JAZF1: variants seen among roughly 807,000 people sequenced by gnomAD.
The protein encoded by JAZF1 is JAZF zinc finger 1.
JAZF1 carries 8 observed loss-of-function variants against 26.4 expected under a neutral mutation model. The ratio of observed to expected loss-of-function variants is 0.30; its 90% CI spans 0.18 to 0.55. The LOEUF (loss-of-function observed/expected upper bound fraction) is 0.55. Among genes scored for constraint, JAZF1 ranks in the 20% least tolerant of loss-of-function variants. JAZF1 has a pLI of 0.94. For synonymous variants in JAZF1, 126 were observed against 122.3 expected, an observed-to-expected ratio of 1.03 and a Z score of -0.20; for missense variants, 199 against 322.0, an observed-to-expected ratio of 0.62 and a Z score of 2.92.
intron 1 of JAZF1, among the ~76,000 whole-genome samples, chr7:28,118,791 C>CA (rs1554289669): frequency 4.1e-4 from 59 of 142,698 alleles, no homozygotes; most frequent in South Asian, 6.8e-4. Flanking sequence ...CACACACACA[C>CA]AACACACACA....
At chr7:28,048,100 G>T (rs771911914) in intron 1 of JAZF1, among the ~76,000 whole-genome samples, 1 of 152,130 alleles carries the variant, frequency 6.6e-6, no homozygotes, top group Admixed American at 6.5e-5. Flanking sequence ...AACGGTGCAT[G>T]GATGGACAGA....
intron 1 of JAZF1, among the ~76,000 whole-genome samples, chr7:28,172,141 C>T (rs1050615824): frequency 3.9e-5 from 6 of 152,166 alleles, no homozygotes; most frequent in Admixed American, 3.9e-4. Context: ...TCTGATGAAT[C>T]CTCATATCAC....
At chr7:27,978,451 G>A (rs1785513848) in intron 2 of JAZF1, among the ~76,000 whole-genome samples, 1 of 152,218 alleles carries the variant, frequency 6.6e-6, no homozygotes, top group East Asian at 1.9e-4. Flanking sequence ...GAATTTGATT[G>A]AGTTAGACCA....
intron 2 of JAZF1, among the ~76,000 whole-genome samples, chr7:27,949,087 C>T (rs192396965): frequency 2.8e-4 from 43 of 152,342 alleles, no homozygotes; most frequent in Non-Finnish European, 4.6e-4. Context: ...ACACCCTTTG[C>T]ATCCTTGTCT....
chr7:27,861,035 C>T (rs1411792552), intron 3 of JAZF1, among the ~76,000 whole-genome samples: 2 of 152,242 alleles, frequency 1.3e-5, no homozygotes, highest in African/African-American at 2.4e-5. Context: ...TTCCAAGGTT[C>T]TGTGTCTTCC....
At chr7:27,870,632 C>T (rs57246973) in intron 3 of JAZF1, among the ~76,000 whole-genome samples, 29,448 of 152,034 alleles carry the variant, frequency 0.19, 3,851 homozygotes, top group East Asian at 0.5. Flanking sequence ...GAGGGGGTGA[C>T]CTGTCCCAGG....
intron 2 of JAZF1, among the ~76,000 whole-genome samples, chr7:27,989,391 T>C (rs889369160): frequency 3.9e-5 from 6 of 152,188 alleles, no homozygotes; most frequent in African/African-American, 1.4e-4. Flanking sequence ...AAGGACTTCA[T>C]GACTAAAACA....
At chr7:27,961,772 C>T (rs1785188628) in intron 2 of JAZF1, among the ~76,000 whole-genome samples, 2 of 152,212 alleles carry the variant, frequency 1.3e-5, no homozygotes, top group Non-Finnish European at 2.9e-5. Context: ...CCAGTAGGAG[C>T]TCCGGACAGA....
At chr7:27,967,002 A>G (rs1388473246) in intron 2 of JAZF1, among the ~76,000 whole-genome samples, 9 of 152,244 alleles carry the variant, frequency 5.9e-5, no homozygotes, top group Admixed American at 2.0e-4. Context: ...GTCAGGGTCT[A>G]TGCCAGTGAT....
chr7:27,948,698 A>G lies in JAZF1; in HGVS notation c.188+43211T>C, dbSNP rs138346673. Among the ~76,000 whole-genome samples the G allele has an allele frequency of 6.3e-4, 96 of 152,344 alleles. 1 individual carries two copies. In the East Asian group the frequency reaches 0.012, roughly 19 times the overall value. ...TATACAATCTTTATATTGACTGTAT[A>G]TTGACCACCTGTATTGATAACCTAC... On this transcript the variant is annotated intron_variant, in intron 2 of 4. Coordinates refer to ENST00000283928, the MANE Select transcript of JAZF1 (RefSeq NM_175061.4).
chr7:27,947,376 T>G (rs1355697689), intron 2 of JAZF1, among the ~76,000 whole-genome samples: 4 of 152,218 alleles, frequency 2.6e-5, no homozygotes, highest in African/African-American at 9.6e-5. Context: ...CTGAATATAC[T>G]CTTTTTCTGA....
At chr7:28,115,356 CT>C (rs1004437003) in intron 1 of JAZF1, among the ~76,000 whole-genome samples, 16 of 152,206 alleles carry the variant, frequency 1.1e-4, no homozygotes, top group Non-Finnish European at 1.9e-4. Flanking sequence ...AGCTTACATT[CT>C]TTTTTTCATA....
intron 1 of JAZF1, among the ~76,000 whole-genome samples, chr7:28,158,535 A>G (rs1783229178): frequency 6.6e-6 from 1 of 152,190 alleles, no homozygotes; most frequent in African/African-American, 2.4e-5. Flanking sequence ...CTAGTAGCCA[A>G]TGCAATTCCA....
At chr7:27,848,190 T>G (rs950580300) in intron 3 of JAZF1, among the ~76,000 whole-genome samples, 1 of 152,246 alleles carries the variant, frequency 6.6e-6, no homozygotes, top group South Asian at 2.1e-4. Context: ...TTCTGATCCA[T>G]GAGCAAGGGA....
intron 2 of JAZF1, among the ~76,000 whole-genome samples, chr7:27,932,327 A>G (rs150712277): frequency 1.3e-5 from 2 of 152,336 alleles, no homozygotes; most frequent in Non-Finnish European, 2.9e-5. Flanking sequence ...TGTTTGAAGT[A>G]GCATAATCTT....
intron 2 of JAZF1, among the ~76,000 whole-genome samples, chr7:27,990,687 T>C (rs1562551519): frequency 6.6e-6 from 1 of 152,178 alleles, no homozygotes; most frequent in Admixed American, 6.5e-5. Context: ...GCCAATATTA[T>C]TAGTTATATT....
chr7:27,946,815 T>A (rs1784930542), intron 2 of JAZF1, among the ~76,000 whole-genome samples: 1 of 152,098 alleles, frequency 6.6e-6, no homozygotes, highest in South Asian at 2.1e-4. Flanking sequence ...AATCCAAAGG[T>A]GAGGAAGGGT....
intron 2 of JAZF1, among the ~76,000 whole-genome samples, chr7:27,986,098 G>A (rs1163606461): frequency 6.6e-6 from 1 of 152,180 alleles, no homozygotes; most frequent in Non-Finnish European, 1.5e-5. Flanking sequence ...ACATAGTGTT[G>A]GAAGCTCTGG....
At chr7:28,132,171 G>A (rs1485364340) in intron 1 of JAZF1, among the ~76,000 whole-genome samples, 3 of 152,158 alleles carry the variant, frequency 2.0e-5, no homozygotes, top group Non-Finnish European at 2.9e-5. Flanking sequence ...TGGTCACTTG[G>A]TTTCCATCAG....
Sources: gnomAD v4.1 joint callset for allele counts (sites outside exome capture counted in the v4.1 genomes callset) on GRCh38, gnomAD v4.1.1 for gene constraint, MANE v1.5 for transcripts, NCBI Gene and HGNC (gene_info 2026-07-23, HGNC 2026-07-21) for gene names.